The following KIF5B variants were observed in gnomAD, a reference collection of about 807,000 sequenced individuals.
The protein encoded by KIF5B is kinesin-1 heavy chain.
A neutral mutation model predicts 132.8 loss-of-function variants in KIF5B; 49 were observed. The observed-to-expected ratio is 0.37, with a 90% CI of 0.29 to 0.47. The LOEUF is 0.47. Among genes scored for constraint, KIF5B ranks in the 20% least tolerant of loss-of-function variants. The probability of loss-of-function intolerance (pLI) is 1.00; values close to 1 mark genes in which losing one functional copy is unlikely to be tolerated. For missense variants in KIF5B, 780 were observed against 1,144.0 expected (o/e 0.68, Z 4.59); for synonymous variants, 355 against 369.4 (o/e 0.96, Z 0.45).
At chr10:32,051,216 G>A (rs1455177428) in intron 1 of KIF5B, among the ~76,000 whole-genome samples, 10 of 152,130 alleles carry the variant, frequency 6.6e-5, no homozygotes, top group African/African-American at 2.4e-4. Flanking sequence ...GTGCCACCAC[G>A]CCTGGCTAAT....
At chr10:32,039,895 T>C (rs2132607028) in intron 3 of KIF5B, among the ~76,000 whole-genome samples, 1 of 152,302 alleles carries the variant, frequency 6.6e-6, no homozygotes, top group African/African-American at 2.4e-5. Flanking sequence ...AGATGCTCTT[T>C]AGCAGTGGCA....
chr10:32,016,501 A>C (rs1038143891), intron 24 of KIF5B, among the ~76,000 whole-genome samples: 3 of 152,000 alleles, frequency 2.0e-5, no homozygotes, highest in African/African-American at 7.2e-5. Flanking sequence ...CACAAAAAAA[A>C]CACTTCCTGC....
At chr10:32,047,887 G>T (rs1592454448) in intron 2 of KIF5B, among the ~76,000 whole-genome samples, 1 of 152,306 alleles carries the variant, frequency 6.6e-6, no homozygotes, top group African/African-American at 2.4e-5. Context: ...GTAACTGGAA[G>T]TAACTCCAGA....
Position 32,021,029 on chromosome 10 carries a change from G to A in KIF5B, c.2197C>T (p.Leu733Phe), listed in dbSNP as rs762346060. The change falls in exon 19 of 26, where the codon CTT becomes TTT. Residue 733 changes from leucine (L) to phenylalanine (F), a missense_variant. This residue lies in a region of KIF5B where 471 missense variants were observed against 569.9 expected (regional missense o/e 0.83). Coordinates refer to ENST00000302418, the MANE Select transcript of KIF5B (RefSeq NM_004521.3). ...GAGAAGTATAATACTTACTCTTGAA[G>A]ATCAGTAATAAGTTTTGCTTTTGCT... ...VEAKAKLITDLQDQNQKMMLE... is the reference protein window; with the variant it reads ...VEAKAKLITDFQDQNQKMMLE... 1.3e-6 allele frequency: 2 copies of A among 1,559,460 alleles called. No individual in the cohort carries two copies. Among genetic ancestry groups the A allele is most frequent in the Non-Finnish European group, 8.8e-7 (1 of 1,130,772 alleles).
chr10:32,028,400 G>A lies in KIF5B; in HGVS notation c.1725+28C>T. The A allele has an allele frequency of 4.5e-6, 7 of 1,567,426 alleles. No individual in the cohort carries two copies. In the South Asian group the frequency reaches 6.8e-5, roughly 15 times the overall value. ...AAAGTGCCAGTGTATACAGATAATT[G>A]TCCTTAATACTTAGTTATTATATTT... On this transcript the variant is annotated intron_variant, in intron 15 of 25. Transcript: ENST00000302418.
chr10:32,047,031 T>C (rs1450054142), intron 2 of KIF5B, among the ~76,000 whole-genome samples: 1 of 152,232 alleles, frequency 6.6e-6, no homozygotes, highest in Non-Finnish European at 1.5e-5. Flanking sequence ...AAATATTTCA[T>C]ATGATTTATT....
At chr10:32,024,573 G>A (rs1483006184) in intron 15 of KIF5B, among the ~76,000 whole-genome samples, 1 of 151,568 alleles carries the variant, frequency 6.6e-6, no homozygotes, top group East Asian at 2.0e-4. Flanking sequence ...AGACCAGCCT[G>A]GCCAATATGG....
intron 13 of KIF5B, 56 bp from the exon 14 acceptor site, chr10:32,031,335 C>T (rs1841400407): frequency 3.0e-6 from 4 of 1,332,200 alleles, no homozygotes; most frequent in Middle Eastern, 3.8e-4. Flanking sequence ...TTAAAAAACA[C>T]CCATGAAGCT....
intron 2 of KIF5B, among the ~76,000 whole-genome samples, chr10:32,046,913 A>G (rs211287): frequency 0.25 from 30,389 of 119,510 alleles, 3,290 homozygotes; most frequent in Non-Finnish European, 0.32. Context: ...CTAACCTACC[A>G]AACACCATGG....
In KIF5B at chr10:32,048,544, G is replaced by T. The variant is rs1841645677; in HGVS notation, c.134C>A (p.Pro45His). The T allele has an allele frequency of 1.2e-6, 2 of 1,612,510 alleles. No homozygotes were observed. The highest frequency in any genetic ancestry group is 2.7e-5 in the African/African-American group (2 of 74,818). ...GEDTVVIASK[P>H]YAFDRVFQSS... is the part of the protein sequence containing the mutation. ...CTGGAACACCCGATCAAATGCATAA[G>T]GCTTGGACTGAAAAACAAAAAAGTG... Residue 45 changes from proline to histidine, a missense_variant, in exon 2 of 26, where the codon CCT (proline) becomes CAT (histidine). Coordinates refer to ENST00000302418, the MANE Select transcript of KIF5B (RefSeq NM_004521.3).
intron 12 of KIF5B, 67 bp from the exon 13 acceptor site, chr10:32,032,841 G>T: frequency 8.7e-7 from 1 of 1,143,328 alleles, no homozygotes; most frequent in Non-Finnish European, 1.3e-6. Context: ...CCCAATACAG[G>T]TTATAAGATT....
chr10:32,022,381 AG>A (rs1476428771), intron 16 of KIF5B, 124 bp from the exon 17 acceptor site: 4 of 589,680 alleles, frequency 6.8e-6, no homozygotes, highest in Non-Finnish European at 1.2e-5. Context: ...TAAAATATTC[AG>A]GAGCCAATTT....
chr10:32,017,032 A>G, intron 24 of KIF5B, 111 bp downstream of exon 24: 2 of 871,706 alleles, frequency 2.3e-6, no homozygotes, highest in Non-Finnish European at 1.9e-6. Context: ...GCTAAGTTAG[A>G]AAATAGAGAC....
At chr10:32,030,480 A>C (rs1449823720) in intron 14 of KIF5B, among the ~76,000 whole-genome samples, 1 of 149,912 alleles carries the variant, frequency 6.7e-6, no homozygotes, top group Non-Finnish European at 1.5e-5. Flanking sequence ...GCGCCATTGC[A>C]CTCCAGCCTG....
intron 15 of KIF5B, among the ~76,000 whole-genome samples, chr10:32,026,161 G>A (rs553768811): frequency 3.3e-5 from 5 of 152,228 alleles, no homozygotes; most frequent in African/African-American, 4.8e-5. Context: ...CAGGCCGGGC[G>A]CAGTGGCTCA....
intron 1 of KIF5B, among the ~76,000 whole-genome samples, chr10:32,049,425 C>T (rs1012776511): frequency 4.6e-5 from 7 of 152,116 alleles, no homozygotes; most frequent in African/African-American, 1.7e-4. Context: ...AACTCATCAT[C>T]ACTCTCCCCA....
chr10:32,046,044 C>A (rs1841604295), intron 2 of KIF5B, among the ~76,000 whole-genome samples: 1 of 151,964 alleles, frequency 6.6e-6, no homozygotes, highest in East Asian at 1.9e-4. Flanking sequence ...GTGCTGACAG[C>A]CAACTTACTA....
At chr10:32,049,362 C>G (rs211292) in intron 1 of KIF5B, among the ~76,000 whole-genome samples, 148,266 of 152,266 alleles carry the variant, frequency 0.97, 72,310 homozygotes, top group Middle Eastern at 1. Flanking sequence ...CAGAATATCA[C>G]GGAAACACCC....
intron 15 of KIF5B, among the ~76,000 whole-genome samples, chr10:32,027,613 CTTT>C (rs34452497): frequency 5.2e-5 from 7 of 134,956 alleles, no homozygotes; most frequent in South Asian, 4.8e-4. Context: ...CTGAGCTAAT[CTTT>C]TTTTTTTTTT....
Sources: allele counts gnomAD v4.1 joint callset (sites outside exome capture counted in the v4.1 genomes callset), GRCh38; gene constraint gnomAD v4.1.1; regional missense constraint gnomAD v4.1.1; transcripts MANE v1.5; gene names NCBI Gene and HGNC (gene_info 2026-07-23, HGNC 2026-07-21).